WNK2: variants seen among roughly 807,000 people sequenced by gnomAD.
WNK2 encodes the protein WNK lysine deficient protein kinase 2, also known as serine/threonine-protein kinase WNK2.
In WNK2, 67 loss-of-function variants were observed where a neutral mutation model predicts 192.1. The observed-to-expected ratio is 0.35, with a 90% CI of 0.29 to 0.43. The LOEUF (loss-of-function observed/expected upper bound fraction) is 0.43, where lower values mean the gene tolerates loss of function less well. Ranked by LOEUF, WNK2 falls within the 20% of genes least tolerant of loss-of-function variation. The pLI is 1.00. For synonymous variants in WNK2, 1,439 were observed against 1,393.9 expected, an observed-to-expected ratio of 1.03 and a Z score of -0.72; for missense variants, 2,698 against 3,089.7, an observed-to-expected ratio of 0.87 and a Z score of 3.01.
chr9:93,258,828 G>A (rs957394514), intron 11 of WNK2, 103 bp from the exon 12 acceptor site: 143 of 1,007,752 alleles, frequency 1.4e-4, no homozygotes, highest in Non-Finnish European at 1.9e-4. Context: ...TCTTCATCCC[G>A]TGTCCCCTCG....
chr9:93,185,584 G>A lies in WNK2; in HGVS notation c.655G>A (p.Val219Met). 2 of 1,612,210 alleles carry A rather than the reference G, an allele frequency of 1.2e-6. No individual in the cohort carries two copies. The highest frequency in any genetic ancestry group is 1.7e-6 in the Non-Finnish European group (2 of 1,179,278). The change falls in exon 2 of 30, where the codon GTG becomes ATG. Residue 219 changes from valine (V) to methionine (M), a missense_variant. This residue lies in a region of WNK2 where 230 missense variants were observed against 501.1 expected (regional missense o/e 0.46). Transcript: ENST00000427277. ...VYKGLDTETW[V>M]EVAWCELQDR... ...CAAGGGGCTGGACACGGAGACCTGG[G>A]TGGAGGTGGCCTGGTGTGAGCTGCA...
intron 2 of WNK2, among the ~76,000 whole-genome samples, chr9:93,210,828 A>G (rs1834361042): frequency 6.6e-6 from 1 of 152,172 alleles, no homozygotes; most frequent in African/African-American, 2.4e-5. Context: ...TGAGGCCAGC[A>G]CAGACATAGA....
intron 26 of WNK2, among the ~76,000 whole-genome samples, chr9:93,302,321 G>A (rs972608101): frequency 6.6e-6 from 1 of 152,144 alleles, no homozygotes; most frequent in African/African-American, 2.4e-5. Context: ...GTGAGCAGAT[G>A]GGCTAGGAAG....
intron 29 of WNK2, chr9:93,319,451 G>T (rs1041260821): frequency 1.0e-5 from 10 of 976,956 alleles, no homozygotes; most frequent in Non-Finnish European, 1.2e-5. Context: ...CCTGGGCCCC[G>T]AGCACGGTCA....
intron 28 of WNK2, among the ~76,000 whole-genome samples, chr9:93,314,556 T>C (rs1461385523): frequency 1.3e-5 from 2 of 152,098 alleles, no homozygotes; most frequent in African/African-American, 4.8e-5. Flanking sequence ...AAGACACTTA[T>C]AAGCAATGAT....
rs948111726 is a variant in WNK2 at position 93,262,059 on chromosome 9, C to T, written c.3312C>T (p.Ile1104=). The T allele has an allele frequency of 6.2e-6, 10 of 1,609,486 alleles. 1 individual carries two copies. In the East Asian group the frequency reaches 6.7e-5, roughly 11 times the overall value. Reference sequence around the variant, plus strand: ...CACCGCTGCCTGGCGGGCCCGGGATCGCCAGCCCTTGCCCAACTGTCCAGC... The same window carrying T: ...CACCGCTGCCTGGCGGGCCCGGGATTGCCAGCCCTTGCCCAACTGTCCAGC... ...ANPPLPGGPG[I]ASPCPTVQLT... The change falls in exon 13 of 30, where the codon ATC becomes ATT. Residue 1104 remains isoleucine (I), a synonymous_variant. Coordinates refer to ENST00000427277, the MANE Select transcript of WNK2 (RefSeq NM_006648.4).
At chr9:93,191,695 G>A (rs1830358469) in intron 2 of WNK2, among the ~76,000 whole-genome samples, 1 of 152,038 alleles carries the variant, frequency 6.6e-6, no homozygotes, top group South Asian at 2.1e-4. Context: ...TGCATTTGAA[G>A]GTGGAGAGCA....
intron 2 of WNK2, among the ~76,000 whole-genome samples, chr9:93,188,973 G>A (rs1829838250): frequency 6.6e-6 from 1 of 152,106 alleles, no homozygotes; most frequent in South Asian, 2.1e-4. Flanking sequence ...GCCCTTCTTG[G>A]CTACCCACGT....
At chr9:93,318,576 G>A (rs1855134461) in intron 29 of WNK2, 1 of 1,611,580 alleles carries the variant, frequency 6.2e-7, no homozygotes, top group South Asian at 1.1e-5. Flanking sequence ...GGTGTGTGTT[G>A]GGCATAGAAA....
intron 2 of WNK2, among the ~76,000 whole-genome samples, chr9:93,199,976 G>A (rs974405775): frequency 6.6e-6 from 1 of 152,076 alleles, no homozygotes; most frequent in Non-Finnish European, 1.5e-5. Context: ...TCCTGTGTGT[G>A]TCCAGGGCAG....
At chr9:93,268,269 A>G (rs1291488737) in intron 18 of WNK2, among the ~76,000 whole-genome samples, 1 of 152,142 alleles carries the variant, frequency 6.6e-6, no homozygotes, top group African/African-American at 2.4e-5. Context: ...TGCCTTGGGC[A>G]TCCCAGGAAC....
At chr9:93,310,792 G>A (rs1379468320) in intron 28 of WNK2, among the ~76,000 whole-genome samples, 1 of 152,142 alleles carries the variant, frequency 6.6e-6, no homozygotes, top group African/African-American at 2.4e-5. Context: ...CCATGTTGTA[G>A]TATGTATCAG....
intron 5 of WNK2, among the ~76,000 whole-genome samples, chr9:93,236,585 A>G: frequency 6.6e-6 from 1 of 150,964 alleles, no homozygotes; most frequent in African/African-American, 2.4e-5. Context: ...ACAACCTAGC[A>G]GATTGCAAGC....
intron 2 of WNK2, among the ~76,000 whole-genome samples, chr9:93,195,884 G>A (rs2131109635): frequency 6.6e-6 from 1 of 152,212 alleles, no homozygotes; most frequent in East Asian, 1.9e-4. Context: ...TCTCTGGAGT[G>A]TCTTTAAAGC....
intron 8 of WNK2, among the ~76,000 whole-genome samples, chr9:93,249,631 G>A (rs1337143437): frequency 6.6e-6 from 1 of 151,954 alleles, no homozygotes; most frequent in Non-Finnish European, 1.5e-5. Context: ...CTGCTATCAC[G>A]CCCAGCTAAT....
chr9:93,190,971 G>A (rs1179262978), intron 2 of WNK2, among the ~76,000 whole-genome samples: 2 of 152,224 alleles, frequency 1.3e-5, no homozygotes, highest in East Asian at 3.8e-4. Flanking sequence ...CAAAGGGGCC[G>A]GGACACATCA....
At chr9:93,268,102 C>T (rs377178362) in intron 18 of WNK2, 37 bp downstream of exon 18, 49 of 1,584,222 alleles carry the variant, frequency 3.1e-5, no homozygotes, top group South Asian at 2.4e-4. Flanking sequence ...TTTAAGCAGG[C>T]GTTTGATGAA....
chr9:93,289,671 C>A (rs990681279), intron 20 of WNK2, 51 bp downstream of exon 20: 38 of 1,420,042 alleles, frequency 2.7e-5, no homozygotes, highest in Non-Finnish European at 1.8e-6. Flanking sequence ...GGGGCCGGAG[C>A]CCGGGCGCAG....
rs1450843881 is a variant in WNK2, at chr9:93,288,861, C to G, written c.4107C>G (p.Ser1369Arg). 6.2e-7 allele frequency: 1 copy of G among 1,611,962 alleles called. No individual in the cohort carries two copies. Among genetic ancestry groups the G allele is most frequent in the Non-Finnish European group, 8.5e-7 (1 of 1,179,598 alleles). Residue 1369 changes from serine (S) to arginine (R), a missense_variant, in exon 20 of 30, where the codon AGC becomes AGG. This residue lies in a region of WNK2 where 1,098 missense variants were observed against 1,101.0 expected (regional missense o/e 1.00). Coordinates refer to ENST00000427277, the MANE Select transcript of WNK2 (RefSeq NM_006648.4). ...TTCTAGCCAGTCAGCAGCTCCTGAG[C>G]CAGGCGGGCCCCAGCAACCCTCCTG... is the stretch of plus-strand genomic sequence containing the variant. ...PSFLASQQLL[S>R]QAGPSNPPGA...
Sources: allele counts gnomAD v4.1 joint callset (sites outside exome capture counted in the v4.1 genomes callset), GRCh38; gene constraint gnomAD v4.1.1; regional missense constraint gnomAD v4.1.1; transcripts MANE v1.5; gene names NCBI Gene and HGNC (gene_info 2026-07-23, HGNC 2026-07-21).